Variants in PDZD2 observed in about 807,000 individuals in gnomAD.
PDZD2 encodes PDZ domain containing 2.
PDZD2 carries 90 observed loss-of-function variants against 220.7 expected under a neutral mutation model. That is an observed-to-expected ratio of 0.41 (90% CI 0.34 to 0.49). The LOEUF (loss-of-function observed/expected upper bound fraction) is 0.49. Among genes scored for constraint, PDZD2 ranks in the 20% least tolerant of loss-of-function variants. The pLI, the probability that PDZD2 is intolerant of heterozygous loss-of-function variation, is 0.28. For missense variants in PDZD2, 3,174 were observed against 3,608.5 expected, an observed-to-expected ratio of 0.88 and a Z score of 3.08; for synonymous variants, 1,375 against 1,450.5, an observed-to-expected ratio of 0.95 and a Z score of 1.18.
intron 1 of PDZD2, among the ~76,000 whole-genome samples, chr5:31,682,954 G>C (rs1485169957): frequency 6.6e-6 from 1 of 151,920 alleles, no homozygotes; most frequent in Admixed American, 6.6e-5. Flanking sequence ...CACTCTCACC[G>C]CCCCCAAGTC....
At chr5:31,780,430 A>G (rs1316836656) in intron 1 of PDZD2, among the ~76,000 whole-genome samples, 1 of 152,196 alleles carries the variant, frequency 6.6e-6, no homozygotes, top group Non-Finnish European at 1.5e-5. Context: ...GTTTTGCCAG[A>G]AGGAGGAGTA....
intron 2 of PDZD2, among the ~76,000 whole-genome samples, chr5:31,825,806 G>T (rs1756173208): frequency 6.6e-6 from 1 of 152,172 alleles, no homozygotes; most frequent in Non-Finnish European, 1.5e-5. Context: ...TAACCACGGT[G>T]CTGCTTGCTT....
intron 6 of PDZD2, among the ~76,000 whole-genome samples, chr5:32,022,399 G>T (rs1248410264): frequency 2.0e-5 from 3 of 150,908 alleles, no homozygotes; most frequent in Admixed American, 1.3e-4. Flanking sequence ...TAGAGATGGG[G>T]TTTCACCATG....
Position 32,059,301 on chromosome 5 carries a change from A to G in PDZD2, c.2263A>G (p.Ile755Val), listed in dbSNP as rs1739453642. The G allele has an allele frequency of 6.2e-7, 1 of 1,613,728 alleles. No individual in the cohort carries two copies. The highest frequency in any genetic ancestry group is 8.5e-7 in the Non-Finnish European group (1 of 1,179,640). ...GGCTCTGGAAAACAGTCCTCCTGGC[A>G]TCTACATTCACAGCCTTGCTCCAGG... ...CLALENSPPGIYIHSLAPGSV... is the reference protein window; with the variant it reads ...CLALENSPPGVYIHSLAPGSV... Residue 755 changes from isoleucine to valine, a missense_variant, in exon 13 of 25, where the codon ATC (isoleucine) becomes GTC (valine). Physicochemically the swap from Ile to Val is conservative, Grantham distance 29. Transcript: ENST00000438447.
chr5:31,966,893 A>C (rs920521974), intron 2 of PDZD2, among the ~76,000 whole-genome samples: 2 of 152,194 alleles, frequency 1.3e-5, no homozygotes, highest in African/African-American at 2.4e-5. Context: ...TCTGAAAAGA[A>C]AGAGAAAATC....
chr5:31,877,209 TTTTGTTTG>T (rs903417095), intron 2 of PDZD2, among the ~76,000 whole-genome samples: 14 of 152,080 alleles, frequency 9.2e-5, no homozygotes, highest in African/African-American at 3.1e-4. Context: ...AAAGTTGTTT[TTTTGTTTG>T]TTTGTTTGTT....
Position 32,061,099 on chromosome 5 carries a change from G to A in PDZD2, c.2416G>A (p.Val806Ile), listed in dbSNP as rs766010611. The stretch of plus-strand genomic sequence containing the variant: ...CTTGAGTAAATGCCCTCCAGGACCC[G>A]TTCGCCTTGTCATCGGCCGGCACCC... ...AILSKCPPGP[V>I]RLVIGRHPNP... Residue 806 changes from valine to isoleucine, a missense_variant, in exon 14 of 25, where the codon GTT (valine) becomes ATT (isoleucine). Coordinates refer to ENST00000438447, the MANE Select transcript of PDZD2 (RefSeq NM_178140.4). 4.3e-6 allele frequency: 7 copies of A among 1,613,966 alleles called. No homozygotes were observed. The highest frequency in any genetic ancestry group is 1.1e-5 in the South Asian group (1 of 91,078).
chr5:31,669,233 C>G (rs945206039), intron 1 of PDZD2, among the ~76,000 whole-genome samples: 1 of 151,976 alleles, frequency 6.6e-6, no homozygotes, highest in Non-Finnish European at 1.5e-5. Context: ...AAGACCACCT[C>G]TACAAAAAAA....
At chr5:31,925,509 C>T (rs1477127669) in intron 2 of PDZD2, among the ~76,000 whole-genome samples, 1 of 152,020 alleles carries the variant, frequency 6.6e-6, no homozygotes, top group Non-Finnish European at 1.5e-5. Flanking sequence ...AGTAAGAATC[C>T]TAGAAGAAAA....
In PDZD2 at chr5:31,689,353, A is replaced by ATATATATTT; in HGVS notation, c.-361+49917_-361+49918insATATATTTT. Among the ~76,000 whole-genome samples, 117 of 35,112 alleles carry ATATATATTT rather than the reference A, an allele frequency of 3.3e-3. 6 individuals carry two copies. The highest frequency in any genetic ancestry group is 0.023 in the African/African-American group (110 of 4,800). The allele number at this position is 35,112 out of a possible 152,430, so 23.0% of individuals were successfully genotyped here. A position where few individuals can be genotyped will look rare whatever the true frequency, so the allele number is the denominator to read the frequency against. The stretch of plus-strand genomic sequence containing the variant: ...TACATATACATATATATATATATAT[A>ATATATATTT]TTTTTTTTTTTTTTTTTTTTAAGTC... On this transcript the variant is annotated intron_variant, in intron 1 of 24. Coordinates refer to ENST00000438447, the MANE Select transcript of PDZD2 (RefSeq NM_178140.4).
intron 2 of PDZD2, among the ~76,000 whole-genome samples, chr5:31,961,368 C>CA (rs60867902): frequency 0.19 from 25,167 of 130,694 alleles, 3,003 homozygotes; most frequent in South Asian, 0.27. Flanking sequence ...TCCGTCTCTA[C>CA]AAAAAAAAAA....
At chr5:31,747,282 C>CA in intron 1 of PDZD2, among the ~76,000 whole-genome samples, 1 of 152,212 alleles carries the variant, frequency 6.6e-6, no homozygotes, top group East Asian at 1.9e-4. Context: ...TTTCGTGAAG[C>CA]ATGGATAGTC....
At chr5:31,669,041 C>A (rs1746108194) in intron 1 of PDZD2, among the ~76,000 whole-genome samples, 2 of 152,114 alleles carry the variant, frequency 1.3e-5, no homozygotes, top group Admixed American at 6.6e-5. Context: ...GGGACACTGG[C>A]AATGTCTGGA....
At chr5:32,080,948 T>C (rs1039816392) in intron 19 of PDZD2, among the ~76,000 whole-genome samples, 3 of 151,806 alleles carry the variant, frequency 2.0e-5, no homozygotes, top group Non-Finnish European at 4.4e-5. Context: ...AGGGAGAGCA[T>C]CAGGATCAAT....
At chr5:32,084,686 C>A (rs1055494564) in intron 19 of PDZD2, among the ~76,000 whole-genome samples, 4 of 152,192 alleles carry the variant, frequency 2.6e-5, no homozygotes, top group Admixed American at 1.3e-4. Context: ...TTCACTCCAA[C>A]CTCAGACCCA....
chr5:31,901,175 T>C (rs13170276), intron 2 of PDZD2, among the ~76,000 whole-genome samples: 7,128 of 152,228 alleles, frequency 0.047, 237 homozygotes, highest in East Asian at 0.14. Flanking sequence ...CCCAGCACTT[T>C]GGGAGGCTGA....
intron 10 of PDZD2, among the ~76,000 whole-genome samples, chr5:32,054,310 A>ATTTTTTTTTTTT (rs1738878968): frequency 1.7e-5 from 1 of 58,600 alleles, no homozygotes; most frequent in African/African-American, 7.1e-5. Context: ...CTAAATGAAC[A>ATTTTTTTTTTTT]TCTTTTTTTT....
chr5:32,027,661 G>A (rs752408266), intron 6 of PDZD2, among the ~76,000 whole-genome samples: 20 of 152,200 alleles, frequency 1.3e-4, no homozygotes, highest in Non-Finnish European at 2.6e-4. Context: ...TTCCTCTTTA[G>A]TTCTGAGTTA....
chr5:31,984,390 G>A (rs773746477), intron 3 of PDZD2, among the ~76,000 whole-genome samples: 1 of 152,158 alleles, frequency 6.6e-6, no homozygotes, highest in South Asian at 2.1e-4. Flanking sequence ...TTTCTTTAGG[G>A]TAGACATGTT....
Sources: allele counts gnomAD v4.1 joint callset (sites outside exome capture counted in the v4.1 genomes callset), GRCh38; gene constraint gnomAD v4.1.1; transcripts MANE v1.5; gene names NCBI Gene and HGNC (gene_info 2026-07-23, HGNC 2026-07-21).